The following GPATCH2 variants were observed in gnomAD, a reference collection of about 807,000 sequenced individuals.
GPATCH2 encodes the protein G-patch domain containing 2.
A neutral mutation model predicts 58.0 loss-of-function variants in GPATCH2; 51 were observed. That is an observed-to-expected ratio of 0.88 (90% CI 0.70 to 1.11). The LOEUF (loss-of-function observed/expected upper bound fraction) is 1.11. Ranked by LOEUF, GPATCH2 falls within the 50% of genes most tolerant of loss-of-function variation. The pLI, the probability that GPATCH2 is intolerant of heterozygous loss-of-function variation, is 0.00. For synonymous variants in GPATCH2, 222 were observed against 218.5 expected (o/e 1.02, Z -0.14); for missense variants, 625 against 652.2 (o/e 0.96, Z 0.45).
At chr1:217,572,445 T>C (rs1019543820) in intron 5 of GPATCH2, among the ~76,000 whole-genome samples, 7 of 152,190 alleles carry the variant, frequency 4.6e-5, no homozygotes, top group African/African-American at 1.7e-4. Flanking sequence ...AAGAATAACT[T>C]CAATCTGTAA....
chr1:217,431,230 T>C lies in GPATCH2; in HGVS notation c.1502A>G (p.Gln501Arg), dbSNP rs1169011666. The change falls in exon 10 of 10, where the codon CAG becomes CGG. Residue 501 changes from glutamine (Q) to arginine (R), a missense_variant. Transcript: ENST00000366935. Reference sequence around the variant, plus strand: ...TCCAAGTCCTAATCCCTTTGGCCTCTGCATGGCTTGAATTGGCTCAGAGAT... The same window carrying C: ...TCCAAGTCCTAATCCCTTTGGCCTCCGCATGGCTTGAATTGGCTCAGAGAT... Reference protein sequence around the residue: ...KGISEPIQAMQRPKGLGLGFP... With the variant: ...KGISEPIQAMRRPKGLGLGFP... 6.2e-7 allele frequency: 1 copy of C among 1,611,336 alleles called. No homozygotes were observed. Among genetic ancestry groups the C allele is most frequent in the Admixed American group, 1.7e-5 (1 of 60,024 alleles).
In GPATCH2 at chr1:217,582,023, C is replaced by T. The variant is rs770760779; in HGVS notation, c.1098+28298G>A. 5.3e-5 allele frequency among the ~76,000 whole-genome samples: 8 copies of T among 152,068 alleles called. No individual in the cohort carries two copies. The East Asian group carries it at 5.8e-4, about 11-fold the overall frequency. On this transcript the variant is annotated intron_variant, in intron 5 of 9. Transcript: ENST00000366935. ...CTCTTCTCTTCTACTAAAAAATACCCGTGGTCACTGGTAGGTAGGAATCAA... is the reference window on the plus strand; with the variant it reads ...CTCTTCTCTTCTACTAAAAAATACCTGTGGTCACTGGTAGGTAGGAATCAA...
At chr1:217,434,595 T>A (rs1368163248) in intron 9 of GPATCH2, among the ~76,000 whole-genome samples, 1 of 152,202 alleles carries the variant, frequency 6.6e-6, no homozygotes, top group South Asian at 2.1e-4. Context: ...GGGCTATACA[T>A]CTGTTTACTC....
intron 6 of GPATCH2, 162 bp from the exon 7 acceptor site, chr1:217,498,557 T>C: frequency 1.5e-6 from 1 of 654,224 alleles, no homozygotes; most frequent in Non-Finnish European, 2.7e-6. Flanking sequence ...TTAGACCAAT[T>C]TTGACAGAAC....
intron 3 of GPATCH2, among the ~76,000 whole-genome samples, chr1:217,611,830 A>G (rs1246159457): frequency 6.6e-6 from 1 of 152,180 alleles, no homozygotes; most frequent in Non-Finnish European, 1.5e-5. Flanking sequence ...GTTTTTGCCC[A>G]ACAAAACATT....
At chr1:217,547,138 C>T (rs994116097) in intron 5 of GPATCH2, among the ~76,000 whole-genome samples, 9 of 151,934 alleles carry the variant, frequency 5.9e-5, no homozygotes, top group East Asian at 1.9e-4. Flanking sequence ...CCGAGGCAGG[C>T]AGATCACGAG....
At chr1:217,510,190 A>C (rs191157861) in intron 6 of GPATCH2, among the ~76,000 whole-genome samples, 143 of 152,312 alleles carry the variant, frequency 9.4e-4, no homozygotes, top group Non-Finnish European at 1.6e-3. Context: ...AAGTTTAGGA[A>C]GACATCTAAT....
intron 8 of GPATCH2, among the ~76,000 whole-genome samples, chr1:217,474,467 A>T (rs781731564): frequency 6.6e-6 from 1 of 152,210 alleles, no homozygotes; most frequent in Non-Finnish European, 1.5e-5. Flanking sequence ...CATAAATTGG[A>T]CATAAAGAAA....
chr1:217,567,230 G>C (rs74471297), intron 5 of GPATCH2, among the ~76,000 whole-genome samples: 1 of 151,964 alleles, frequency 6.6e-6, no homozygotes, highest in South Asian at 2.1e-4. Context: ...ATTTTTACTA[G>C]AGACGGGGTT....
At chr1:217,585,533 T>C (rs552274058) in intron 5 of GPATCH2, among the ~76,000 whole-genome samples, 7 of 152,106 alleles carry the variant, frequency 4.6e-5, no homozygotes, top group African/African-American at 1.7e-4. Flanking sequence ...GGCAGGAGAA[T>C]CGCTTGAACC....
At chr1:217,564,397 AC>A (rs1300353856) in intron 5 of GPATCH2, among the ~76,000 whole-genome samples, 5 of 152,178 alleles carry the variant, frequency 3.3e-5, no homozygotes, top group African/African-American at 1.2e-4. Context: ...TACTGTAGCA[AC>A]AAATTAACTC....
chr1:217,593,666 T>C (rs1344724890), intron 5 of GPATCH2, among the ~76,000 whole-genome samples: 1 of 152,064 alleles, frequency 6.6e-6, no homozygotes, highest in Non-Finnish European at 1.5e-5. Context: ...GGATTAGAAA[T>C]ATTTAGTGTT....
chr1:217,532,886 G>GTTTTTTTT (rs57815648), intron 5 of GPATCH2, among the ~76,000 whole-genome samples: 1 of 130,248 alleles, frequency 7.7e-6, no homozygotes, highest in Non-Finnish European at 1.6e-5. Context: ...TCTTTTTTTT[G>GTTTTTTTT]TTTTTTTTTT....
chr1:217,451,922 A>G lies in GPATCH2; in HGVS notation c.1278-2585T>C, dbSNP rs150931114. ...CAGGTCAGGTTTTCTATACTTGCTGAACGAATTTCTGAGTGATAAAGAGTT... is the reference window on the plus strand; with the variant it reads ...CAGGTCAGGTTTTCTATACTTGCTGGACGAATTTCTGAGTGATAAAGAGTT... On this transcript the variant is annotated intron_variant, in intron 8 of 9. Coordinates refer to ENST00000366935, the MANE Select transcript of GPATCH2 (RefSeq NM_018040.5). Among the ~76,000 whole-genome samples the G allele has an allele frequency of 4.7e-3, 704 of 151,280 alleles. 7 individuals are homozygous for G. The highest frequency in any genetic ancestry group is 0.014 in the African/African-American group (570 of 40,774).
rs554594544 is a variant in GPATCH2, at chr1:217,609,906, A to G, written c.1098+415T>C. 8.1e-6 allele frequency: 9 copies of G among 1,116,122 alleles called. No homozygotes were observed. In the African/African-American group the frequency reaches 1.5e-4, roughly 18 times the overall value. 69.1% of individuals were successfully genotyped at this position (1,116,122 alleles called of 1,614,324 possible). On this transcript the variant is annotated intron_variant, in intron 5 of 9. Coordinates refer to ENST00000366935, the MANE Select transcript of GPATCH2 (RefSeq NM_018040.5). ...TGTAAAAAAAAAACCATAAAAGAGAAAAATATATAATTTACAGTAGTTTCT... is the reference window on the plus strand; with the variant it reads ...TGTAAAAAAAAAACCATAAAAGAGAGAAATATATAATTTACAGTAGTTTCT...
Position 217,552,440 on chromosome 1 carries a change from G to A in GPATCH2, c.1099-37551C>T, listed in dbSNP as rs1665411494. 3.3e-5 allele frequency among the ~76,000 whole-genome samples: 5 copies of A among 152,232 alleles called. No homozygotes were observed. The South Asian group carries it at 1.0e-3, about 32-fold the overall frequency. ...ATACAAATTCAATACTGGTTTACCT[G>A]TTCCAGAAGCAGTAAAGGTAGTAGT... is the stretch of plus-strand genomic sequence containing the variant. On this transcript the variant is annotated intron_variant, in intron 5 of 9. Coordinates refer to ENST00000366935, the MANE Select transcript of GPATCH2 (RefSeq NM_018040.5).
chr1:217,530,881 A>C (rs1664153405), intron 5 of GPATCH2, among the ~76,000 whole-genome samples: 1 of 152,196 alleles, frequency 6.6e-6, no homozygotes, highest in African/African-American at 2.4e-5. Flanking sequence ...GAAGTATTTT[A>C]GCTATAATAA....
chr1:217,474,036 T>G (rs1240671636), intron 8 of GPATCH2, among the ~76,000 whole-genome samples: 2 of 152,210 alleles, frequency 1.3e-5, no homozygotes, highest in Non-Finnish European at 2.9e-5. Context: ...AGAATAAGAA[T>G]GTTATTTACA....
At chr1:217,436,313 T>C (rs1044165491) in intron 9 of GPATCH2, among the ~76,000 whole-genome samples, 5 of 152,188 alleles carry the variant, frequency 3.3e-5, no homozygotes, top group Non-Finnish European at 7.3e-5. Context: ...ACACAAAGCA[T>C]GTGGTATATT....
Sources: gnomAD v4.1 joint callset for allele counts (sites outside exome capture counted in the v4.1 genomes callset) on GRCh38, gnomAD v4.1.1 for gene constraint, MANE v1.5 for transcripts, NCBI Gene and HGNC (gene_info 2026-07-23, HGNC 2026-07-21) for gene names.